The following DLGAP2 variants were observed in gnomAD, a reference collection of about 807,000 sequenced individuals.
DLGAP2 encodes disks large-associated protein 2.
In DLGAP2, 26 loss-of-function variants were observed where a neutral mutation model predicts 100.3. The observed-to-expected ratio is 0.26, with a 90% CI of 0.19 to 0.36. The LOEUF (loss-of-function observed/expected upper bound fraction) is 0.36. DLGAP2 is among the 10% of genes least tolerant of loss of function. The probability of loss-of-function intolerance (pLI) is 1.00; values close to 1 mark genes in which losing one functional copy is unlikely to be tolerated. For missense variants in DLGAP2, 1,858 were observed against 1,453.2 expected (o/e 1.28, Z -4.53); for synonymous variants, 886 against 630.1 (o/e 1.41, Z -6.08).
intron 2 of DLGAP2, among the ~76,000 whole-genome samples, chr8:1,065,755 G>A (rs1188299072): frequency 1.3e-5 from 2 of 152,148 alleles, no homozygotes. Flanking sequence ...TGCTCCTTGT[G>A]GGGGCAGTTC....
At chr8:1,242,122 A>C (rs1345937775) in intron 2 of DLGAP2, among the ~76,000 whole-genome samples, 2 of 152,260 alleles carry the variant, frequency 1.3e-5, no homozygotes, top group African/African-American at 2.4e-5. Context: ...TGGCAGGAAC[A>C]GAAATCCCAT....
chr8:1,165,627 G>C (rs1228764765), intron 2 of DLGAP2, among the ~76,000 whole-genome samples: 1 of 152,246 alleles, frequency 6.6e-6, no homozygotes, highest in African/African-American at 2.4e-5. Flanking sequence ...GTCGCTGCGT[G>C]TGACTGTTAC....
intron 1 of DLGAP2, among the ~76,000 whole-genome samples, chr8:781,658 C>T (rs561959885): frequency 5.9e-5 from 9 of 152,182 alleles, no homozygotes; most frequent in South Asian, 2.1e-4. Flanking sequence ...CGTTGTGACA[C>T]GGTGATTTGG....
chr8:1,684,165 G>A (rs1563061515), intron 12 of DLGAP2, among the ~76,000 whole-genome samples: 1 of 150,694 alleles, frequency 6.6e-6, no homozygotes, highest in Non-Finnish European at 1.5e-5. Context: ...ATCAGAAAAT[G>A]TAACTGCATT....
rs182294602 is a variant in DLGAP2 at position 1,204,716 on chromosome 8, G to C, written c.74-54135G>C. ...TTGACATCTGCCTGGAAATGAGGGA[G>C]GGATGGAGATGGATGAGGCAGTAGG... On this transcript the variant is annotated intron_variant, in intron 2 of 14. Coordinates refer to ENST00000637795, the MANE Select transcript of DLGAP2 (RefSeq NM_001346810.2). Among the ~76,000 whole-genome samples, 231 of 152,260 alleles carry C rather than the reference G, an allele frequency of 1.5e-3. 1 individual carries two copies. Among genetic ancestry groups the C allele is most frequent in the Non-Finnish European group, 2.7e-3 (185 of 68,022 alleles).
At chr8:762,723 G>A (rs1451376501) in intron 1 of DLGAP2, among the ~76,000 whole-genome samples, 1 of 151,854 alleles carries the variant, frequency 6.6e-6, no homozygotes, top group Non-Finnish European at 1.5e-5. Context: ...AGGCTGGAGT[G>A]CGGTGGCACA....
At chr8:1,245,507 G>C (rs1798884810) in intron 2 of DLGAP2, among the ~76,000 whole-genome samples, 1 of 152,186 alleles carries the variant, frequency 6.6e-6, no homozygotes, top group African/African-American at 2.4e-5. Flanking sequence ...CCACAGATAG[G>C]ATTCCATTTA....
At chr8:945,578 C>T (rs1001095273) in intron 2 of DLGAP2, among the ~76,000 whole-genome samples, 2 of 152,176 alleles carry the variant, frequency 1.3e-5, no homozygotes, top group Non-Finnish European at 1.5e-5. Flanking sequence ...GCCCGGAGAA[C>T]AGCTAAAAAC....
chr8:1,513,798 C>G (rs1335067814), intron 4 of DLGAP2, among the ~76,000 whole-genome samples: 1 of 152,152 alleles, frequency 6.6e-6, no homozygotes, highest in Non-Finnish European at 1.5e-5. Flanking sequence ...CCAGTTTCAC[C>G]CATGGTCACG....
At chr8:865,556 A>T (rs190127248) in intron 1 of DLGAP2, among the ~76,000 whole-genome samples, 1 of 152,142 alleles carries the variant, frequency 6.6e-6, no homozygotes, top group African/African-American at 2.4e-5. Context: ...ATAATTCTTC[A>T]TCTGCCTTCT....
intron 3 of DLGAP2, among the ~76,000 whole-genome samples, chr8:1,321,172 C>T (rs866942293): frequency 2.7e-5 from 4 of 150,366 alleles, no homozygotes; most frequent in African/African-American, 9.8e-5. Flanking sequence ...TATGTGTCTG[C>T]GTCCATGTGT....
intron 3 of DLGAP2, among the ~76,000 whole-genome samples, chr8:1,287,694 AGTGTGTGTGTGTGTGT>A (rs1271962722): frequency 1.7e-5 from 1 of 57,726 alleles, no homozygotes; most frequent in African/African-American, 9.4e-5. Flanking sequence ...GTTTCGGTTC[AGTGTGTGTGTGTGTGT>A]GTGTGTGTGT....
chr8:764,111 C>A (rs1821151877), intron 1 of DLGAP2, among the ~76,000 whole-genome samples: 1 of 152,126 alleles, frequency 6.6e-6, no homozygotes, highest in African/African-American at 2.4e-5. Context: ...GGTACTGAGT[C>A]ATGCCTCTCC....
At chr8:1,644,326 G>A (rs79108166) in intron 8 of DLGAP2, among the ~76,000 whole-genome samples, 4,933 of 152,250 alleles carry the variant, frequency 0.032, 270 homozygotes, top group African/African-American at 0.11. Context: ...GAAGACTGCC[G>A]TCCTCTGTGG....
At chr8:1,300,569 G>T (rs1249172609) in intron 3 of DLGAP2, 2 of 152,340 alleles carry the variant, frequency 1.3e-5, no homozygotes, top group Admixed American at 6.5e-5. Flanking sequence ...CGTGTGTGGG[G>T]TCAGCACCCA....
chr8:1,106,944 C>G (rs994436078), intron 2 of DLGAP2, among the ~76,000 whole-genome samples: 3 of 152,144 alleles, frequency 2.0e-5, no homozygotes, highest in African/African-American at 7.2e-5. Flanking sequence ...GCTTCAACAT[C>G]TCAGACGTAT....
At chr8:1,294,842 C>G (rs1800133889) in intron 3 of DLGAP2, among the ~76,000 whole-genome samples, 1 of 148,766 alleles carries the variant, frequency 6.7e-6, no homozygotes, top group African/African-American at 2.5e-5. Flanking sequence ...GCATTCCAGC[C>G]TGGGCGACAG....
chr8:1,117,567 A>T (rs1424334210), intron 2 of DLGAP2, among the ~76,000 whole-genome samples: 2 of 152,196 alleles, frequency 1.3e-5, no homozygotes, highest in Non-Finnish European at 2.9e-5. Flanking sequence ...GAGAAGAAAC[A>T]GGCTCATGGT....
intron 2 of DLGAP2, among the ~76,000 whole-genome samples, chr8:1,237,644 C>G (rs1233521006): frequency 6.9e-6 from 1 of 145,032 alleles, no homozygotes; most frequent in Non-Finnish European, 1.5e-5. Flanking sequence ...GTGTCTAGTT[C>G]TCTCTCACAC....
Sources: allele counts gnomAD v4.1 joint callset (sites outside exome capture counted in the v4.1 genomes callset), GRCh38; gene constraint gnomAD v4.1.1; transcripts MANE v1.5; gene names NCBI Gene and HGNC (gene_info 2026-07-23, HGNC 2026-07-21).